The following GRIA1 variants were observed in gnomAD, a reference collection of about 807,000 sequenced individuals.
The protein encoded by GRIA1 is glutamate receptor 1.
GRIA1 carries 31 observed loss-of-function variants against 99.2 expected under a neutral mutation model. The observed-to-expected ratio is 0.31, with a 90% CI of 0.23 to 0.42. The LOEUF is 0.42. GRIA1 is among the 10% of genes least tolerant of loss of function. GRIA1 has a pLI of 1.00. For synonymous variants in GRIA1, 438 were observed against 432.4 expected (o/e 1.01, Z -0.16); for missense variants, 782 against 1,157.5 (o/e 0.68, Z 4.71).
chr5:153,626,552 C>T (rs1383295154), intron 2 of GRIA1, among the ~76,000 whole-genome samples: 1 of 151,206 alleles, frequency 6.6e-6, no homozygotes, highest in Admixed American at 6.6e-5. Flanking sequence ...TCATTGGCAG[C>T]ATTTGAAAGA....
intron 11 of GRIA1, among the ~76,000 whole-genome samples, chr5:153,746,186 A>G (rs201299184): frequency 1.3e-5 from 2 of 152,014 alleles, no homozygotes; most frequent in Non-Finnish European, 2.9e-5. Flanking sequence ...GTCCCTTTGA[A>G]GAATTGGCTG....
At chr5:153,583,943 AC>A (rs1380761356) in intron 2 of GRIA1, among the ~76,000 whole-genome samples, 7 of 152,124 alleles carry the variant, frequency 4.6e-5, no homozygotes, top group African/African-American at 1.7e-4. Context: ...TGGAGTCTGG[AC>A]CTGGTGATGC....
At chr5:153,688,924 G>A (rs993914478) in intron 8 of GRIA1, among the ~76,000 whole-genome samples, 3 of 152,034 alleles carry the variant, frequency 2.0e-5, no homozygotes, top group African/African-American at 4.8e-5. Flanking sequence ...TTCTCACGAC[G>A]TTGGCCAGAC....
chr5:153,628,023 C>A (rs1767802358), intron 2 of GRIA1, among the ~76,000 whole-genome samples: 1 of 152,128 alleles, frequency 6.6e-6, no homozygotes, highest in Non-Finnish European at 1.5e-5. Flanking sequence ...TGCTGAGTGC[C>A]ATAACAAACG....
chr5:153,505,512 G>T (rs1052317791), intron 2 of GRIA1, among the ~76,000 whole-genome samples: 1 of 152,232 alleles, frequency 6.6e-6, no homozygotes, highest in African/African-American at 2.4e-5. Flanking sequence ...ACAGTAAGTA[G>T]AAGTGTCCCA....
chr5:153,699,796 T>C (rs1758387394), intron 10 of GRIA1, among the ~76,000 whole-genome samples: 1 of 152,176 alleles, frequency 6.6e-6, no homozygotes, highest in African/African-American at 2.4e-5. Flanking sequence ...CCATGCACAA[T>C]TGCTATAAAA....
chr5:153,687,108 A>G (rs11167636), intron 8 of GRIA1, among the ~76,000 whole-genome samples: 107,433 of 151,992 alleles, frequency 0.71, 38,365 homozygotes, highest in East Asian at 0.96. Context: ...TCATTCCCCA[A>G]CGAAGCCTTC....
chr5:153,718,585 A>G (rs1246844632), intron 11 of GRIA1, among the ~76,000 whole-genome samples: 3 of 152,190 alleles, frequency 2.0e-5, no homozygotes, highest in Non-Finnish European at 2.9e-5. Context: ...GTCCATTCAT[A>G]CCAATATCAC....
intron 15 of GRIA1, among the ~76,000 whole-genome samples, chr5:153,805,655 G>A (rs72804633): frequency 0.025 from 3,844 of 152,298 alleles, 70 homozygotes; most frequent in Non-Finnish European, 0.038. Flanking sequence ...TGGTGCCAGA[G>A]TGGCTAATGC....
chr5:153,559,797 G>A (rs1233725858), intron 2 of GRIA1, among the ~76,000 whole-genome samples: 2 of 151,930 alleles, frequency 1.3e-5, no homozygotes, highest in Non-Finnish European at 2.9e-5. Context: ...TCATTACATG[G>A]TACATGACTA....
intron 2 of GRIA1, among the ~76,000 whole-genome samples, chr5:153,507,264 G>C (rs1284001628): frequency 6.6e-6 from 1 of 152,128 alleles, no homozygotes; most frequent in East Asian, 1.9e-4. Flanking sequence ...GCTGATGGAA[G>C]TCTTCACACC....
intron 10 of GRIA1, 116 bp from the exon 11 acceptor site, chr5:153,705,581 C>G: frequency 1.5e-6 from 2 of 1,340,990 alleles, no homozygotes; most frequent in Non-Finnish European, 9.8e-7. Context: ...CTTTCCCACT[C>G]TCATATCCTT....
chr5:153,664,717 C>T (rs1317573462), intron 5 of GRIA1, among the ~76,000 whole-genome samples: 1 of 152,166 alleles, frequency 6.6e-6, no homozygotes, highest in Non-Finnish European at 1.5e-5. Context: ...CAGTGTTAAG[C>T]ACTCATGAGT....
At chr5:153,540,269 G>A (rs1493393) in intron 2 of GRIA1, among the ~76,000 whole-genome samples, 70,733 of 152,126 alleles carry the variant, frequency 0.46, 18,174 homozygotes, top group Non-Finnish European at 0.59. Context: ...GGCCCTGCTG[G>A]AGAGACAAGA....
chr5:153,809,786 A>G (rs906574568), intron 15 of GRIA1, among the ~76,000 whole-genome samples: 4 of 152,238 alleles, frequency 2.6e-5, no homozygotes, highest in African/African-American at 7.2e-5. Context: ...CAGAACCATT[A>G]CAAGAGAATG....
At chr5:153,764,378 A>C in intron 11 of GRIA1, 56 bp from the exon 12 acceptor site, 40 of 1,380,592 alleles carry the variant, frequency 2.9e-5, no homozygotes, top group Non-Finnish European at 3.7e-5. Context: ...GTCCCTCCCC[A>C]GAGCTTTCCA....
At chr5:153,492,314 C>T (rs551659893) in intron 1 of GRIA1, 79 of 1,531,956 alleles carry the variant, frequency 5.2e-5, no homozygotes, top group African/African-American at 4.9e-4. Flanking sequence ...GAAGTGTGTA[C>T]GTATCTGTGT....
intron 2 of GRIA1, among the ~76,000 whole-genome samples, chr5:153,615,826 A>G (rs1025713260): frequency 7.9e-5 from 12 of 152,170 alleles, no homozygotes; most frequent in African/African-American, 2.9e-4. Context: ...AGGTTTAAAG[A>G]TGCTAATTTC....
chr5:153,570,488 TAAAGGC>T (rs1391940515), intron 2 of GRIA1, among the ~76,000 whole-genome samples: 1 of 152,146 alleles, frequency 6.6e-6, no homozygotes, highest in African/African-American at 2.4e-5. Flanking sequence ...GATAGTGTCT[TAAAGGC>T]TAGGCTTTTG....
Sources: gnomAD v4.1 joint callset for allele counts (sites outside exome capture counted in the v4.1 genomes callset) on GRCh38, gnomAD v4.1.1 for gene constraint, MANE v1.5 for transcripts, NCBI Gene and HGNC (gene_info 2026-07-23, HGNC 2026-07-21) for gene names.